The following TRPM3 variants were observed in gnomAD, a reference collection of about 807,000 sequenced individuals.
The protein encoded by TRPM3 is long transient receptor potential channel 3.
TRPM3 carries 77 observed loss-of-function variants against 181.2 expected under a neutral mutation model. The observed-to-expected ratio is 0.42, with a 90% CI of 0.35 to 0.51. The LOEUF (loss-of-function observed/expected upper bound fraction) is 0.51, where lower values mean the gene tolerates loss of function less well. Ranked by LOEUF, TRPM3 falls within the 20% of genes least tolerant of loss-of-function variation. TRPM3 has a pLI of 0.01. For missense variants in TRPM3, 1,759 were observed against 2,196.7 expected, an observed-to-expected ratio of 0.80 and a Z score of 3.98; for synonymous variants, 745 against 796.4, an observed-to-expected ratio of 0.94 and a Z score of 1.09.
chr9:70,956,701 A>G lies in TRPM3; in HGVS notation c.178-92190T>C, dbSNP rs1030780376. On this transcript the variant is annotated intron_variant, in intron 1 of 25. Coordinates refer to ENST00000677713, the MANE Select transcript of TRPM3 (RefSeq NM_001366145.2). ...GGACTTTGACAGCAGCCTGGGCAAC[A>G]TAGCAAGACCCCATCATTACAAAAA... Among the ~76,000 whole-genome samples the G allele has an allele frequency of 5.9e-5, 9 of 152,162 alleles. No homozygotes were observed. The South Asian group carries it at 1.0e-3, about 18-fold the overall frequency.
At chr9:71,379,129 T>G (rs1046235699) in intron 1 of TRPM3, among the ~76,000 whole-genome samples, 1 of 152,040 alleles carries the variant, frequency 6.6e-6, no homozygotes, top group Non-Finnish European at 1.5e-5. Flanking sequence ...TTAAATAATC[T>G]GATTTCAACT....
At chr9:71,421,512 G>C (rs1244999743) in intron 1 of TRPM3, among the ~76,000 whole-genome samples, 1 of 151,872 alleles carries the variant, frequency 6.6e-6, no homozygotes, top group Non-Finnish European at 1.5e-5. Context: ...ACCCTTATCA[G>C]CCTGCAGACA....
At chr9:71,387,923 C>T (rs1317219327) in intron 1 of TRPM3, among the ~76,000 whole-genome samples, 1 of 152,140 alleles carries the variant, frequency 6.6e-6, no homozygotes, top group Non-Finnish European at 1.5e-5. Flanking sequence ...TCTACTCAAT[C>T]ATATATTGTG....
At chr9:71,426,276 C>A (rs2093861266) in intron 1 of TRPM3, among the ~76,000 whole-genome samples, 1 of 117,796 alleles carries the variant, frequency 8.5e-6, no homozygotes, top group African/African-American at 3.1e-5. Flanking sequence ...ATCTCTTCAG[C>A]CCCAGCAACT....
intron 1 of TRPM3, among the ~76,000 whole-genome samples, chr9:71,145,303 C>T (rs1333548729): frequency 3.9e-5 from 6 of 152,076 alleles, no homozygotes; most frequent in Admixed American, 3.9e-4. Flanking sequence ...TAATACACAC[C>T]AGAGGTTAAG....
chr9:70,880,995 G>T (rs1047232344), intron 1 of TRPM3, among the ~76,000 whole-genome samples: 1 of 152,014 alleles, frequency 6.6e-6, no homozygotes, highest in Admixed American at 6.6e-5. Flanking sequence ...CCTATCTCTT[G>T]TTACTTCACA....
intron 9 of TRPM3, among the ~76,000 whole-genome samples, chr9:70,680,349 A>G (rs1417796670): frequency 6.6e-6 from 1 of 152,224 alleles, no homozygotes; most frequent in Non-Finnish European, 1.5e-5. Context: ...ATGGTAGCAC[A>G]TGATGGGTCC....
intron 1 of TRPM3, among the ~76,000 whole-genome samples, chr9:70,927,530 T>A (rs778933140): frequency 5.9e-5 from 9 of 152,230 alleles, no homozygotes. Context: ...GGTTTTCTTA[T>A]GGAGAAAGAG....
At chr9:70,783,798 T>C in intron 7 of TRPM3, 1 of 982,878 alleles carries the variant, frequency 1.0e-6, no homozygotes, top group East Asian at 8.6e-5. Flanking sequence ...TGCTTCTCCT[T>C]ACTGGGAGGA....
chr9:71,180,714 A>G (rs2077353253), intron 1 of TRPM3, among the ~76,000 whole-genome samples: 1 of 152,198 alleles, frequency 6.6e-6, no homozygotes, highest in African/African-American at 2.4e-5. Flanking sequence ...TTTACTAAAA[A>G]GAAGAAAGCT....
At chr9:71,181,386 A>G (rs1447515587) in intron 1 of TRPM3, among the ~76,000 whole-genome samples, 2 of 105,948 alleles carry the variant, frequency 1.9e-5, no homozygotes, top group South Asian at 2.9e-4. Flanking sequence ...TTTTTTTTTG[A>G]TTAGGAGAAA....
chr9:71,070,111 G>A (rs2062539465), intron 1 of TRPM3, among the ~76,000 whole-genome samples: 1 of 152,154 alleles, frequency 6.6e-6, no homozygotes, highest in Non-Finnish European at 1.5e-5. Context: ...ACCCCAATCA[G>A]CATATAAATC....
intron 1 of TRPM3, among the ~76,000 whole-genome samples, chr9:71,016,258 GTA>G (rs769184253): frequency 3.5e-4 from 31 of 89,112 alleles, no homozygotes; most frequent in Middle Eastern, 5.2e-3. Flanking sequence ...GTGTGTGTGT[GTA>G]TCTGTGTGTG....
At chr9:70,609,516 G>A (rs1242941945) in intron 19 of TRPM3, among the ~76,000 whole-genome samples, 1 of 152,234 alleles carries the variant, frequency 6.6e-6, no homozygotes, top group Non-Finnish European at 1.5e-5. Context: ...GGAACATTTA[G>A]CAATGTCTGG....
intron 1 of TRPM3, among the ~76,000 whole-genome samples, chr9:70,961,099 A>G (rs77383859): frequency 0.04 from 6,116 of 152,270 alleles, 180 homozygotes; most frequent in Middle Eastern, 0.11. Flanking sequence ...TGGTGGGCCC[A>G]GTGTAATCAC....
At chr9:70,845,244 A>G (rs533128663) in intron 4 of TRPM3, among the ~76,000 whole-genome samples, 7 of 152,088 alleles carry the variant, frequency 4.6e-5, no homozygotes, top group Non-Finnish European at 8.8e-5. Flanking sequence ...ATAACGTGTT[A>G]TTTTTGTTTT....
chr9:71,229,160 T>C (rs2080884281), intron 1 of TRPM3, among the ~76,000 whole-genome samples: 5 of 151,910 alleles, frequency 3.3e-5, no homozygotes, highest in Admixed American at 3.3e-4. Flanking sequence ...CAGAAACAAA[T>C]CCATATGTCA....
chr9:70,760,270 C>T (rs2077869185), intron 8 of TRPM3, among the ~76,000 whole-genome samples: 1 of 151,464 alleles, frequency 6.6e-6, no homozygotes, highest in Admixed American at 6.6e-5. Flanking sequence ...TAAGGTTTGT[C>T]AGTTAGAATT....
In TRPM3 at chr9:71,176,682, G is replaced by A. The variant is rs185012716; in HGVS notation, c.183+269971C>T. Among the ~76,000 whole-genome samples, 19 of 152,120 alleles carry A rather than the reference G, an allele frequency of 1.2e-4. No homozygotes were observed. The East Asian group carries it at 2.3e-3, about 19-fold the overall frequency. On this transcript the variant is annotated intron_variant, in intron 1 of 24. Coordinates refer to the TRPM3 transcript ENST00000357533. Reference sequence around the variant, plus strand: ...CACATTCACTCACCACTCACCCACCGACTCACCCAGAGCAACTTCCAGTCC... The same window carrying A: ...CACATTCACTCACCACTCACCCACCAACTCACCCAGAGCAACTTCCAGTCC...
Sources: gnomAD v4.1 joint callset for allele counts (sites outside exome capture counted in the v4.1 genomes callset) on GRCh38, gnomAD v4.1.1 for gene constraint, MANE v1.5 for transcripts, NCBI Gene and HGNC (gene_info 2026-07-23, HGNC 2026-07-21) for gene names.